The following GAS2 variants were observed in gnomAD, a reference collection of about 807,000 sequenced individuals.
GAS2 encodes the protein growth arrest-specific protein 2.
A neutral mutation model predicts 37.5 loss-of-function variants in GAS2; 20 were observed. The observed-to-expected ratio is 0.53, with a 90% CI of 0.37 to 0.77. The LOEUF is 0.77. GAS2 is among the 30% of genes least tolerant of loss of function. The probability of loss-of-function intolerance (pLI) is 0.00; values close to 1 mark genes in which losing one functional copy is unlikely to be tolerated. For synonymous variants in GAS2, 144 were observed against 132.2 expected (o/e 1.09, Z -0.61); for missense variants, 336 against 373.4 (o/e 0.90, Z 0.82).
chr11:22,652,789 G>C (rs1468388147), intron 1 of GAS2, among the ~76,000 whole-genome samples: 1 of 152,160 alleles, frequency 6.6e-6, no homozygotes, highest in African/African-American at 2.4e-5. Flanking sequence ...CTCGCACACG[G>C]TGCGCGCACC....
At chr11:22,778,937 A>G (rs1388914082) in intron 7 of GAS2, among the ~76,000 whole-genome samples, 1 of 152,136 alleles carries the variant, frequency 6.6e-6, no homozygotes, top group Non-Finnish European at 1.5e-5. Flanking sequence ...GAATGGAAAC[A>G]GAGGGGAACA....
At chr11:22,626,124 ATATCCT>A (rs1858648706) in intron 1 of GAS2, 2 of 386,242 alleles carry the variant, frequency 5.2e-6, no homozygotes, top group Non-Finnish European at 9.6e-6. Context: ...CGCTTTGGAA[ATATCCT>A]TAAGTAGAAA....
At chr11:22,661,101 C>T (rs1848910329) in intron 1 of GAS2, among the ~76,000 whole-genome samples, 1 of 152,166 alleles carries the variant, frequency 6.6e-6, no homozygotes, top group Admixed American at 6.5e-5. Context: ...CAATGAATAA[C>T]TGGAGCAATA....
chr11:22,710,900 C>G (rs1240046571), intron 3 of GAS2, among the ~76,000 whole-genome samples: 2 of 152,104 alleles, frequency 1.3e-5, no homozygotes, highest in Non-Finnish European at 2.9e-5. Flanking sequence ...TTCCCAAAGT[C>G]TATGTTAATT....
chr11:22,760,614 T>G (rs1299766453), intron 7 of GAS2, among the ~76,000 whole-genome samples: 1 of 152,318 alleles, frequency 6.6e-6, no homozygotes, highest in South Asian at 2.1e-4. Context: ...TGGAAGGAAA[T>G]GCTTAAGACG....
At chr11:22,697,948 C>A (rs566927634) in intron 3 of GAS2, among the ~76,000 whole-genome samples, 3 of 152,052 alleles carry the variant, frequency 2.0e-5, no homozygotes, top group East Asian at 1.9e-4. Context: ...CCTTCTGCTG[C>A]GTAATTGCCC....
chr11:22,766,209 G>A (rs181540858), intron 7 of GAS2, among the ~76,000 whole-genome samples: 1 of 150,628 alleles, frequency 6.6e-6, no homozygotes, highest in East Asian at 2.0e-4. Context: ...AATGCTTTCT[G>A]TGTATCTGTT....
chr11:22,773,436 C>G (rs1300456182), intron 7 of GAS2, among the ~76,000 whole-genome samples: 2 of 139,312 alleles, frequency 1.4e-5, no homozygotes, highest in Non-Finnish European at 3.0e-5. Context: ...CTCTGTTGCC[C>G]AGTCTTGAGT....
At chr11:22,646,071 G>A (rs1200621396) in intron 1 of GAS2, among the ~76,000 whole-genome samples, 2 of 151,974 alleles carry the variant, frequency 1.3e-5, no homozygotes, top group Admixed American at 1.3e-4. Flanking sequence ...TCGAACTCCT[G>A]ACCTCAGGTA....
intron 1 of GAS2, among the ~76,000 whole-genome samples, chr11:22,658,567 T>C (rs1034610114): frequency 6.6e-6 from 1 of 152,158 alleles, no homozygotes; most frequent in African/African-American, 2.4e-5. Flanking sequence ...CCAAAAAAAA[T>C]CTAGGGGGTT....
chr11:22,651,180 C>T (rs1052536533), intron 1 of GAS2, among the ~76,000 whole-genome samples: 2 of 151,452 alleles, frequency 1.3e-5, no homozygotes, highest in Non-Finnish European at 3.0e-5. Flanking sequence ...ACTTATGAAG[C>T]TTAGTTTGGC....
At chr11:22,648,328 C>A (rs1322733809) in intron 1 of GAS2, among the ~76,000 whole-genome samples, 1 of 152,078 alleles carries the variant, frequency 6.6e-6, no homozygotes. Context: ...TTATTGTAGC[C>A]TTGTAGTATA....
chr11:22,782,512 G>A (rs1367792503), intron 7 of GAS2, among the ~76,000 whole-genome samples: 1 of 151,996 alleles, frequency 6.6e-6, no homozygotes, highest in Non-Finnish European at 1.5e-5. Context: ...CCATCATCCA[G>A]GTAGTAAGCA....
At chr11:22,732,605 G>A (rs1441812973) in intron 4 of GAS2, among the ~76,000 whole-genome samples, 4 of 151,644 alleles carry the variant, frequency 2.6e-5, no homozygotes, top group African/African-American at 9.7e-5. Context: ...AGATTTTTGT[G>A]TGGGTCTTAC....
At chr11:22,724,580 G>GAAGA (rs1164420283) in intron 3 of GAS2, among the ~76,000 whole-genome samples, 1 of 151,904 alleles carries the variant, frequency 6.6e-6, no homozygotes, top group Non-Finnish European at 1.5e-5. Flanking sequence ...AGTCATCTAG[G>GAAGA]AAAGCATTCT....
chr11:22,716,304 C>T (rs1207324043), intron 3 of GAS2, among the ~76,000 whole-genome samples: 3 of 152,094 alleles, frequency 2.0e-5, no homozygotes, highest in Non-Finnish European at 1.5e-5. Context: ...TTATATTCAA[C>T]ATAGTACTGG....
chr11:22,644,788 A>T (rs1163157041), intron 1 of GAS2, among the ~76,000 whole-genome samples: 1 of 151,926 alleles, frequency 6.6e-6, no homozygotes, highest in South Asian at 2.1e-4. Flanking sequence ...CACCTGGATA[A>T]ATTTTTGTAT....
intron 7 of GAS2, among the ~76,000 whole-genome samples, chr11:22,771,896 C>A (rs1045732832): frequency 1.3e-4 from 20 of 152,092 alleles, no homozygotes; most frequent in African/African-American, 4.8e-4. Flanking sequence ...TTTGTAGCTT[C>A]TGTTTCCTGG....
Position 22,812,244 on chromosome 11 carries a change from G to A in GAS2, c.*228G>A. 3 of 470,590 alleles carry A rather than the reference G, an allele frequency of 6.4e-6. No individual in the cohort carries two copies. The highest frequency in any genetic ancestry group is 1.1e-5 in the Non-Finnish European group (3 of 263,520). 29.2% of individuals were successfully genotyped at this position (470,590 alleles called of 1,614,324 possible). A position where few individuals can be genotyped will look rare whatever the true frequency, so the allele number is the denominator to read the frequency against. On this transcript the variant is annotated 3_prime_UTR_variant, in exon 8 of 8. Transcript: ENST00000454584. ...TCAAATTTAAATTATCCAAATTTTAGGCAAATTATTATTTCTCAATATGCG... is the reference window on the plus strand; with the variant it reads ...TCAAATTTAAATTATCCAAATTTTAAGCAAATTATTATTTCTCAATATGCG...
Sources: gnomAD v4.1 joint callset for allele counts (sites outside exome capture counted in the v4.1 genomes callset) on GRCh38, gnomAD v4.1.1 for gene constraint, MANE v1.5 for transcripts, NCBI Gene and HGNC (gene_info 2026-07-23, HGNC 2026-07-21) for gene names.